Variants in GLOD5 observed in about 807,000 individuals in gnomAD.
GLOD5 encodes the protein glyoxalase domain-containing protein 5.
In GLOD5, 7 loss-of-function variants were observed where a neutral mutation model predicts 9.9. The ratio of observed to expected loss-of-function variants is 0.71; its 90% CI spans 0.40 to 1.33. GLOD5 has a LOEUF of 1.33. GLOD5 is among the 40% of genes most tolerant of loss of function. GLOD5 has a pLI of 0.01. For missense variants in GLOD5, 146 were observed against 128.4 expected, an observed-to-expected ratio of 1.14 and a Z score of -0.66; for synonymous variants, 49 against 47.3, an observed-to-expected ratio of 1.04 and a Z score of -0.14.
chrX:48,769,589 AAG>A (rs1275749280), intron 2 of GLOD5, among the ~76,000 whole-genome samples: 3 of 111,784 alleles, frequency 2.7e-5, no homozygotes, highest in Non-Finnish European at 5.6e-5. Flanking sequence ...AAGGAGCTAA[AAG>A]AGAAACTAAA....
Position 48,765,835 on chromosome X carries a change from T to C in GLOD5, c.64T>C (p.Ser22Pro). The change falls in exon 2 of 4, where the codon TCA (serine) becomes CCA (proline). Residue 22 changes from serine (S) to proline (P), a missense_variant and splice_region_variant. Coordinates refer to ENST00000303227, the MANE Select transcript of GLOD5 (RefSeq NM_001080489.3). The stretch of plus-strand genomic sequence containing the variant: ...TTCTGACTTTTTTTTCTTTTTTTAG[T>C]CATGGAGGGACAGCAGTCAGACCCC... ...KMWGRTLEKQ[S>P]WRDSSQTPPP... is the part of the protein sequence containing the mutation. 1.7e-6 allele frequency: 2 copies of C among 1,182,766 alleles called. No individual in the cohort carries two copies. The highest frequency in any genetic ancestry group is 2.3e-6 in the Non-Finnish European group (2 of 882,337).
In GLOD5 at chrX:48,766,143, G is replaced by A; in HGVS notation, c.201+171G>A. On this transcript the variant is annotated intron_variant, in intron 2 of 3. Coordinates refer to ENST00000303227, the MANE Select transcript of GLOD5 (RefSeq NM_001080489.3). ...TTTGGACTTCCAGAGAGAGAATGGA[G>A]AAAAAAGAGAGGAGGAAATTATCAT... 1.1e-5 allele frequency: 5 copies of A among 443,316 alleles called. No individual in the cohort carries two copies. The Admixed American group carries it at 1.2e-4, about 11-fold the overall frequency. The allele number at this position is 443,316 out of a possible 1,213,427, so 36.5% of individuals were successfully genotyped here.
In GLOD5 at chrX:48,773,592, C is replaced by G; in HGVS notation, c.*157C>G. 1.9e-6 allele frequency: 1 copy of G among 521,079 alleles called. No individual in the cohort carries two copies. Among genetic ancestry groups the G allele is most frequent in the Non-Finnish European group, 3.1e-6 (1 of 320,324 alleles). The allele number at this position is 521,079 out of a possible 1,213,427, so 42.9% of individuals were successfully genotyped here. A position where few individuals can be genotyped will look rare whatever the true frequency, so the allele number is the denominator to read the frequency against. On this transcript the variant is annotated 3_prime_UTR_variant, in exon 4 of 4. Coordinates refer to ENST00000303227, the MANE Select transcript of GLOD5 (RefSeq NM_001080489.3). ...GACCCAAGACAGGTTTGGGACCAAA[C>G]CTACATGTCTGTATGTCATCAAAGT...
Position 48,771,048 on chromosome X carries a change from A to G in GLOD5, c.323A>G (p.Glu108Gly). Residue 108 changes from glutamate to glycine, a missense_variant, in exon 3 of 4, where the codon GAG becomes GGG. Physicochemically the swap from Glu to Gly is moderately conservative, Grantham distance 98. Transcript: ENST00000303227. ...PGSLDICLIT[E>G]VPLEEMIQHL... The stretch of plus-strand genomic sequence containing the variant: ...TCCCTGGACATATGTCTGATCACAG[A>G]GGTGCCTTTGGAGGAAATGATCCAG... 1 of 1,195,666 alleles carries G rather than the reference A, an allele frequency of 8.4e-7. No homozygotes were observed.
Position 48,773,489 on chromosome X carries a change from T to G in GLOD5, c.*54T>G. The G allele has an allele frequency of 8.6e-7, 1 of 1,168,864 alleles. No homozygotes were observed. The highest frequency in any genetic ancestry group is 2.3e-5 in the Admixed American group (1 of 43,994). On this transcript the variant is annotated 3_prime_UTR_variant, in exon 4 of 4. Transcript: ENST00000303227. ...CCCTTGATGTCGCCCTCTCCTTTCC[T>G]TCCTGCAAACCCCCACCCAGGCCCA... is the stretch of plus-strand genomic sequence containing the variant.
chrX:48,765,803 T>G, intron 1 of GLOD5, 32 bp from the exon 2 acceptor site: 5 of 1,181,633 alleles, frequency 4.2e-6, no homozygotes, highest in Non-Finnish European at 5.7e-6. Flanking sequence ...AGTGGCAATG[T>G]GGTCTCTTCT....
At chrX:48,767,071 A>G (rs1328644603) in intron 2 of GLOD5, among the ~76,000 whole-genome samples, 1 of 103,432 alleles carries the variant, frequency 9.7e-6, no homozygotes, top group African/African-American at 3.5e-5. Context: ...AATGGATCCC[A>G]AGAGGAAGAT....
intron 1 of GLOD5, among the ~76,000 whole-genome samples, chrX:48,762,541 C>T (rs2062599063): frequency 1.9e-5 from 2 of 105,471 alleles, no homozygotes; most frequent in Non-Finnish European, 3.9e-5. Context: ...CAGGTTCAAG[C>T]GATTCTCCTG....
At chrX:48,764,969 G>A (rs1386986983) in intron 1 of GLOD5, among the ~76,000 whole-genome samples, 1 of 111,559 alleles carries the variant, frequency 9.0e-6, no homozygotes, top group Non-Finnish European at 1.9e-5. Context: ...CTGATGGGAA[G>A]TGTGCTGAGG....
rs782078556 is a variant in GLOD5, at chrX:48,766,748, C to A, written c.201+776C>A. 2.7e-3 allele frequency among the ~76,000 whole-genome samples: 290 copies of A among 106,074 alleles called. No homozygotes were observed. The Middle Eastern group carries it at 0.034, about 12-fold the overall frequency. The allele number at this position is 106,074 out of a possible 115,157, so 92.1% of individuals were successfully genotyped here. A position where few individuals can be genotyped will look rare whatever the true frequency, so the allele number is the denominator to read the frequency against. On this transcript the variant is annotated intron_variant, in intron 2 of 3. Transcript: ENST00000303227. ...TCTGAGTGACAGAGCAAGACTGTAT[C>A]AAAAAAAATCAAACAAAAATGTAAA...
At chrX:48,770,331 G>A (rs781818627) in intron 2 of GLOD5, among the ~76,000 whole-genome samples, 12 of 112,025 alleles carry the variant, frequency 1.1e-4, no homozygotes, top group African/African-American at 3.6e-4. Flanking sequence ...ATCAGTTAGG[G>A]ACTTTGGAGG....
At chrX:48,765,602 A>AT in intron 1 of GLOD5, 2 of 392,918 alleles carry the variant, frequency 5.1e-6, no homozygotes, top group Non-Finnish European at 9.2e-6. Flanking sequence ...AAAAAAAAAA[A>AT]GAAAAGGAAA....
chrX:48,773,125 G>A (rs781941259), intron 3 of GLOD5, among the ~76,000 whole-genome samples, 185 bp from the exon 4 acceptor site: 1 of 109,182 alleles, frequency 9.2e-6, no homozygotes, highest in Non-Finnish European at 1.9e-5. Context: ...TACTCAGGAG[G>A]CTGAGGTGGG....
chrX:48,768,132 AT>A (rs2062613802), intron 2 of GLOD5, among the ~76,000 whole-genome samples: 1 of 111,649 alleles, frequency 9.0e-6, no homozygotes, highest in Non-Finnish European at 1.9e-5. Context: ...CACCTGGCCA[AT>A]TTTTTCTATT....
At chrX:48,768,393 G>A (rs868991847) in intron 2 of GLOD5, among the ~76,000 whole-genome samples, 2 of 112,104 alleles carry the variant, frequency 1.8e-5, no homozygotes, top group Non-Finnish European at 3.8e-5. Context: ...GGTTGCCTAA[G>A]GTGGAGATGG....
At chrX:48,768,286 A>C (rs782448467) in intron 2 of GLOD5, among the ~76,000 whole-genome samples, 4 of 112,596 alleles carry the variant, frequency 3.6e-5, no homozygotes, top group Admixed American at 9.5e-5. Flanking sequence ...TCAGGTCTAC[A>C]GCATGCTACC....
At chrX:48,768,825 T>C (rs1390796864) in intron 2 of GLOD5, among the ~76,000 whole-genome samples, 3 of 109,671 alleles carry the variant, frequency 2.7e-5, no homozygotes, top group African/African-American at 1.0e-4. Flanking sequence ...AGGTCAGGAG[T>C]TCGAGACCAG....
At position 48,773,482 on chromosome X, in the gene GLOD5, C is replaced by G; in HGVS notation, c.*47C>G. ...TCTGTCCCCCTTGATGTCGCCCTCT[C>G]CTTTCCTTCCTGCAAACCCCCACCC... On this transcript the variant is annotated 3_prime_UTR_variant, in exon 4 of 4. Transcript: ENST00000303227. 1.7e-6 allele frequency: 2 copies of G among 1,177,759 alleles called. No homozygotes were observed. Among genetic ancestry groups the G allele is most frequent in the Non-Finnish European group, 2.3e-6 (2 of 871,442 alleles).
intron 2 of GLOD5, among the ~76,000 whole-genome samples, chrX:48,766,623 C>T (rs1443909630): frequency 1.8e-5 from 2 of 109,682 alleles, no homozygotes; most frequent in Non-Finnish European, 3.8e-5. Flanking sequence ...TGGTGGTGCA[C>T]GCCTGTAATC....
Sources: gnomAD v4.1 joint callset for allele counts (sites outside exome capture counted in the v4.1 genomes callset) on GRCh38, gnomAD v4.1.1 for gene constraint, MANE v1.5 for transcripts, NCBI Gene and HGNC (gene_info 2026-07-23, HGNC 2026-07-21) for gene names.